TPRG1: variants seen among roughly 807,000 people sequenced by gnomAD.
TPRG1 encodes the protein tumor protein p63-regulated gene 1 protein.
In TPRG1, 29 loss-of-function variants were observed where a neutral mutation model predicts 29.3. The ratio of observed to expected loss-of-function variants is 0.99; its 90% confidence interval spans 0.74 to 1.35. TPRG1 has a LOEUF of 1.35. Ranked by LOEUF, TPRG1 falls within the 40% of genes most tolerant of loss-of-function variation. The pLI, the probability that TPRG1 is intolerant of heterozygous loss-of-function variation, is 0.00. For missense variants in TPRG1, 327 were observed against 335.0 expected, an observed-to-expected ratio of 0.98 and a Z score of 0.19; for synonymous variants, 130 against 116.8, an observed-to-expected ratio of 1.11 and a Z score of -0.73.
At chr3:189,078,059 C>T (rs1041412459) in intron 4 of TPRG1, among the ~76,000 whole-genome samples, 27 of 141,578 alleles carry the variant, frequency 1.9e-4, no homozygotes, top group African/African-American at 4.8e-4. Context: ...TTCCTTCCTT[C>T]CTTTCTCTCC....
chr3:189,280,886 C>T (rs1195570343), intron 4 of TPRG1, among the ~76,000 whole-genome samples: 1 of 152,190 alleles, frequency 6.6e-6, no homozygotes, highest in Non-Finnish European at 1.5e-5. Flanking sequence ...GCCCTTCCCC[C>T]ATCCTAAGCA....
At chr3:189,128,491 A>C (rs913396805) in intron 2 of TPRG1, among the ~76,000 whole-genome samples, 2 of 152,224 alleles carry the variant, frequency 1.3e-5, no homozygotes, top group Non-Finnish European at 2.9e-5. Flanking sequence ...CTGAAATTCA[A>C]ATTTAACTGG....
chr3:189,200,198 C>G (rs2108775089), intron 1 of TPRG1, among the ~76,000 whole-genome samples: 1 of 152,306 alleles, frequency 6.6e-6, no homozygotes, highest in Non-Finnish European at 1.5e-5. Flanking sequence ...TCCATCAACT[C>G]AACTTTCCCC....
chr3:189,185,827 T>C (rs1730850014), intron 1 of TPRG1, among the ~76,000 whole-genome samples: 1 of 152,170 alleles, frequency 6.6e-6, no homozygotes, highest in African/African-American at 2.4e-5. Context: ...TATTTGTATA[T>C]TTTTCAGGAT....
intron 1 of TPRG1, among the ~76,000 whole-genome samples, chr3:189,114,209 T>G (rs1720907159): frequency 6.6e-6 from 1 of 152,098 alleles, no homozygotes; most frequent in Non-Finnish European, 1.5e-5. Context: ...TCTGTTGTTG[T>G]TAGATGGAAG....
At chr3:189,117,224 A>G (rs1326524439) in intron 1 of TPRG1, among the ~76,000 whole-genome samples, 1 of 152,216 alleles carries the variant, frequency 6.6e-6, no homozygotes, top group African/African-American at 2.4e-5. Flanking sequence ...AGGTAAGCAT[A>G]TATAAGGTGG....
intron 3 of TPRG1, among the ~76,000 whole-genome samples, chr3:189,147,029 G>T (rs916331270): frequency 6.6e-6 from 1 of 152,156 alleles, no homozygotes; most frequent in African/African-American, 2.4e-5. Context: ...TATTGATAAA[G>T]AATTTAAGAT....
At chr3:189,241,639 C>T (rs1740615580) in intron 4 of TPRG1, among the ~76,000 whole-genome samples, 1 of 152,120 alleles carries the variant, frequency 6.6e-6, no homozygotes. Flanking sequence ...AAAATATCAA[C>T]CTGGACTCTA....
At chr3:189,284,042 G>A (rs570961578) in intron 4 of TPRG1, among the ~76,000 whole-genome samples, 1 of 152,164 alleles carries the variant, frequency 6.6e-6, no homozygotes, top group African/African-American at 2.4e-5. Flanking sequence ...AAAAATGAAT[G>A]CACCGATGCA....
chr3:189,220,346 A>T (rs1736756060), intron 3 of TPRG1, among the ~76,000 whole-genome samples: 1 of 152,150 alleles, frequency 6.6e-6, no homozygotes, highest in Non-Finnish European at 1.5e-5. Flanking sequence ...GTTACATATT[A>T]ATAATGACAT....
chr3:189,098,900 C>A (rs1718877845), upstream of TPRG1, among the ~76,000 whole-genome samples: 1 of 152,114 alleles, frequency 6.6e-6, no homozygotes, highest in African/African-American at 2.4e-5. Context: ...CCTTGTCACC[C>A]TGCAGTGTCT....
rs778939546 is a variant in TPRG1, at chr3:189,207,601, T to G, written c.210+7T>G. On this transcript the variant is annotated splice_region_variant and intron_variant, in intron 2 of 5. Transcript: ENST00000345063. ...GAAGTACTTTGCTACACGGGTAAAT[T>G]TATTGGTTCTCTTAAATACTATATA... 6.2e-7 allele frequency: 1 copy of G among 1,613,344 alleles called. No individual in the cohort carries two copies. The highest frequency in any genetic ancestry group is 8.5e-7 in the Non-Finnish European group (1 of 1,179,552).
Position 189,071,920 on chromosome 3 carries a change from C to T in TPRG1, c.-463+47974C>T, listed in dbSNP as rs766388004. On this transcript the variant is annotated intron_variant, in intron 4 of 10. Coordinates refer to the TPRG1 transcript ENST00000433971. ...AAAGTAGTCTCTGCAGAGCTGGGTTCGGGAAAACTGTAGACTTACAGCATG... is the reference window on the plus strand; with the variant it reads ...AAAGTAGTCTCTGCAGAGCTGGGTTTGGGAAAACTGTAGACTTACAGCATG... 4.6e-5 allele frequency among the ~76,000 whole-genome samples: 7 copies of T among 152,122 alleles called. No individual in the cohort carries two copies. In the South Asian group the frequency reaches 8.3e-4, roughly 18 times the overall value.
intron 5 of TPRG1, among the ~76,000 whole-genome samples, chr3:189,161,203 C>T (rs762088597): frequency 1.6e-4 from 25 of 152,134 alleles, no homozygotes; most frequent in Non-Finnish European, 3.4e-4. Flanking sequence ...TAGAGGTAAT[C>T]GAGTATGGAA....
At chr3:189,109,851 G>A (rs1469258599) in intron 1 of TPRG1, among the ~76,000 whole-genome samples, 1 of 152,034 alleles carries the variant, frequency 6.6e-6, no homozygotes, top group Non-Finnish European at 1.5e-5. Context: ...CCTCTCTCCT[G>A]GCAACCATTG....
At chr3:189,065,705 T>C (rs1197977187) in intron 4 of TPRG1, among the ~76,000 whole-genome samples, 2 of 152,160 alleles carry the variant, frequency 1.3e-5, no homozygotes, top group African/African-American at 4.8e-5. Context: ...GCTAATATCA[T>C]ACTTATTGGT....
chr3:189,309,063 AT>A (rs1722062799), intron 4 of TPRG1, among the ~76,000 whole-genome samples: 1 of 85,092 alleles, frequency 1.2e-5, no homozygotes, highest in South Asian at 3.2e-4. Flanking sequence ...TTTTTCCTAT[AT>A]ACTTTTTTTT....
chr3:189,243,387 G>T (rs1215470478), intron 4 of TPRG1, among the ~76,000 whole-genome samples: 1 of 152,166 alleles, frequency 6.6e-6, no homozygotes, highest in Non-Finnish European at 1.5e-5. Flanking sequence ...TGGGGGTTTA[G>T]TCCTCCTAGG....
intron 4 of TPRG1, among the ~76,000 whole-genome samples, chr3:189,068,707 C>T (rs1006241415): frequency 1.3e-5 from 2 of 151,570 alleles, no homozygotes; most frequent in African/African-American, 2.4e-5. Flanking sequence ...ACCTGGGAGG[C>T]GGAGGTTGCG....
Sources: allele counts gnomAD v4.1 joint callset (sites outside exome capture counted in the v4.1 genomes callset), GRCh38; gene constraint gnomAD v4.1.1; transcripts MANE v1.5; gene names NCBI Gene and HGNC (gene_info 2026-07-23, HGNC 2026-07-21).